DIP2C: variants seen among roughly 807,000 people sequenced by gnomAD.
DIP2C encodes disco-interacting protein 2 homolog C.
DIP2C carries 33 observed loss-of-function variants against 192.4 expected under a neutral mutation model. The ratio of observed to expected loss-of-function variants is 0.17; its 90% confidence interval spans 0.13 to 0.23. The LOEUF (loss-of-function observed/expected upper bound fraction) is 0.23. Ranked by LOEUF, DIP2C falls within the 10% of genes least tolerant of loss-of-function variation. DIP2C has a pLI of 1.00. For missense variants in DIP2C, 1,537 were observed against 2,110.1 expected (o/e 0.73, Z 5.32); for synonymous variants, 979 against 864.1 (o/e 1.13, Z -2.33).
chr10:417,096 C>CCA (rs1223055613), intron 6 of DIP2C, among the ~76,000 whole-genome samples: 1 of 152,152 alleles, frequency 6.6e-6, no homozygotes, highest in Non-Finnish European at 1.5e-5. Context: ...CTCTCAATAT[C>CCA]CACACATAGT....
At position 384,581 on chromosome 10, in the gene DIP2C, G is replaced by T; in HGVS notation, c.1721C>A (p.Pro574His). Residue 574 changes from proline (P) to histidine (H), a missense_variant, in exon 15 of 37, where the codon CCT becomes CAT. This residue lies in a region of DIP2C where 677 missense variants were observed against 989.9 expected (regional missense o/e 0.68). Coordinates refer to ENST00000280886, the MANE Select transcript of DIP2C (RefSeq NM_014974.3). ...GCAGACCTTCTGGATCCAGGAGAGA[G>T]GGTTCACCTTCATCAGCGAGTACGG... Reference protein sequence around the residue: ...SIPYSLMKVNPLSWIQKVCQY... With the variant: ...SIPYSLMKVNHLSWIQKVCQY... The T allele has an allele frequency of 6.2e-7, 1 of 1,613,976 alleles. No homozygotes were observed. The highest frequency in any genetic ancestry group is 8.5e-7 in the Non-Finnish European group (1 of 1,180,028).
intron 1 of DIP2C, among the ~76,000 whole-genome samples, chr10:574,932 T>C (rs1444426662): frequency 6.6e-6 from 1 of 152,178 alleles, no homozygotes; most frequent in East Asian, 1.9e-4. Context: ...ATGAAGTTTA[T>C]GTAATTCCAC....
chr10:281,057 G>A lies in DIP2C; in HGVS notation c.4418+143C>T, dbSNP rs996485370. The A allele has an allele frequency of 6.4e-5, 77 of 1,209,694 alleles. 1 individual carries two copies. Among genetic ancestry groups the A allele is most frequent in the Non-Finnish European group, 8.6e-5 (75 of 868,360 alleles). 74.9% of individuals were successfully genotyped at this position (1,209,694 alleles called of 1,614,324 possible). A position where few individuals can be genotyped will look rare whatever the true frequency, so the allele number is the denominator to read the frequency against. ...TTCTTTTGTTGCTTTAACCCCAAAA[G>A]ATAAAGATTTATAGTCAAATGTTGA... On this transcript the variant is annotated intron_variant, in intron 36 of 36. Transcript: ENST00000280886.
intron 1 of DIP2C, among the ~76,000 whole-genome samples, chr10:544,519 C>CA (rs940423333): frequency 2.6e-5 from 4 of 152,162 alleles, no homozygotes; most frequent in Non-Finnish European, 5.9e-5. Context: ...CAGACTTTTC[C>CA]AAAGCAACTG....
Position 548,911 on chromosome 10 carries a change from CAAAAAAAAAAAAA to C in DIP2C, c.86-62394_86-62382del, listed in dbSNP as rs61437915. On this transcript the variant is annotated intron_variant, in intron 1 of 36. Coordinates refer to ENST00000280886, the MANE Select transcript of DIP2C (RefSeq NM_014974.3). ...CATTGCAGGAAAAAATAGCAGCTCA[CAAAAAAAAAAAAA>C]AAAAAAAAAAAAAAGTGAGTAAAGA... 2.8e-3 allele frequency among the ~76,000 whole-genome samples: 75 copies of C among 26,460 alleles called. 1 individual carries two copies. The East Asian group carries it at 0.045, about 16-fold the overall frequency. 17.4% of individuals were successfully genotyped at this position (26,460 alleles called of 152,430 possible).
chr10:288,237 G>A (rs1051406962), intron 33 of DIP2C, 127 bp downstream of exon 33: 15 of 912,220 alleles, frequency 1.6e-5, no homozygotes, highest in Non-Finnish European at 2.6e-5. Flanking sequence ...TATACTCACT[G>A]ATATGTTACT....
At position 440,835 on chromosome 10, in the gene DIP2C, C is replaced by T. The variant is rs779650663; in HGVS notation, c.394+36G>A. ...TAGGTCAATTCTGAGGTGCCCGGCA[C>T]ATTCAGGAGGCCGTGTCGGGGAGCG... On this transcript the variant is annotated intron_variant, in intron 4 of 36. Coordinates refer to ENST00000280886, the MANE Select transcript of DIP2C (RefSeq NM_014974.3). The T allele has an allele frequency of 6.9e-6, 11 of 1,595,180 alleles. No individual in the cohort carries two copies. In the South Asian group the frequency reaches 1.3e-4, roughly 18 times the overall value.
chr10:389,472 ACT>A (rs921886211), intron 13 of DIP2C, among the ~76,000 whole-genome samples: 7 of 151,932 alleles, frequency 4.6e-5, no homozygotes, highest in Non-Finnish European at 1.5e-5. Flanking sequence ...CAATGCAGAG[ACT>A]CTGACTCAAT....
intron 9 of DIP2C, among the ~76,000 whole-genome samples, chr10:405,805 A>AT (rs1964760790): frequency 6.6e-6 from 1 of 152,124 alleles, no homozygotes; most frequent in African/African-American, 2.4e-5. Context: ...CGGCTGAAGG[A>AT]TTCCCAGCTC....
chr10:440,807 G>A, intron 4 of DIP2C, 64 bp downstream of exon 4: 1 of 1,544,840 alleles, frequency 6.5e-7, no homozygotes, highest in South Asian at 1.3e-5. Flanking sequence ...CTGATTGCTG[G>A]GCTAGGTCAA....
At chr10:302,162 A>T (rs1956084795) in intron 32 of DIP2C, among the ~76,000 whole-genome samples, 1 of 152,196 alleles carries the variant, frequency 6.6e-6, no homozygotes, top group African/African-American at 2.4e-5. Context: ...TATCCATGTA[A>T]AGGTATAACT....
intron 1 of DIP2C, chr10:667,122 G>C (rs1564324872): frequency 6.6e-6 from 1 of 152,440 alleles, no homozygotes; most frequent in East Asian, 1.9e-4. Context: ...GGAAGGCCGA[G>C]GCAGGCGGAT....
At chr10:546,946 T>C (rs1588435896) in intron 1 of DIP2C, among the ~76,000 whole-genome samples, 2 of 152,354 alleles carry the variant, frequency 1.3e-5, no homozygotes, top group Middle Eastern at 3.4e-3. Flanking sequence ...TTTGTTCATT[T>C]TTCAGGCCAC....
rs554495035 is a variant in DIP2C at position 450,744 on chromosome 10, C to T, written c.269-9748G>A. Among the ~76,000 whole-genome samples, 105 of 152,136 alleles carry T rather than the reference C, an allele frequency of 6.9e-4. No individual in the cohort carries two copies. The Middle Eastern group carries it at 0.01, about 15-fold the overall frequency. ...TACACTTCCTTCCCAGAAGAGCTTC[C>T]CAAGAGAAAACAGAAACACTGATAA... On this transcript the variant is annotated intron_variant, in intron 3 of 36. Transcript: ENST00000280886.
At chr10:505,760 C>T (rs1215717289) in intron 1 of DIP2C, among the ~76,000 whole-genome samples, 5 of 113,486 alleles carry the variant, frequency 4.4e-5, no homozygotes, top group South Asian at 3.0e-4. Context: ...ACCAGGGAGA[C>T]AGAGCTGCCT....
intron 22 of DIP2C, among the ~76,000 whole-genome samples, chr10:361,216 T>C (rs1362956779): frequency 6.6e-6 from 1 of 152,206 alleles, no homozygotes; most frequent in Non-Finnish European, 1.5e-5. Context: ...TGAAGCTTCA[T>C]TTAATGAAGT....
chr10:461,266 G>A (rs555801661), intron 3 of DIP2C, among the ~76,000 whole-genome samples: 19 of 152,316 alleles, frequency 1.2e-4, no homozygotes, highest in African/African-American at 3.4e-4. Context: ...AAACTGGATA[G>A]AGTCAAGACC....
intron 26 of DIP2C, among the ~76,000 whole-genome samples, chr10:347,302 T>G (rs1415102032): frequency 4.2e-4 from 11 of 26,270 alleles, no homozygotes; most frequent in African/African-American, 8.3e-4. Context: ...AACCCCACAC[T>G]CACCCAACCC....
chr10:483,685 A>AGCCCAGAGAGGGCTCCTGAGAGG (rs1843784868), intron 2 of DIP2C, among the ~76,000 whole-genome samples: 1 of 152,226 alleles, frequency 6.6e-6, no homozygotes, highest in Non-Finnish European at 1.5e-5. Flanking sequence ...CGAGGGAATC[A>AGCCCAGAGAGGGCTCCTGAGAGG]GCCCAGAGAG....
Sources: allele counts gnomAD v4.1 joint callset (sites outside exome capture counted in the v4.1 genomes callset), GRCh38; gene constraint gnomAD v4.1.1; regional missense constraint gnomAD v4.1.1; transcripts MANE v1.5; gene names NCBI Gene and HGNC (gene_info 2026-07-23, HGNC 2026-07-21).